The following CDH12 variants were observed in gnomAD, a reference collection of about 807,000 sequenced individuals.
CDH12 encodes cadherin 12.
Under a neutral mutation model 74.1 loss-of-function variants are expected in CDH12, and 41 were observed. The ratio of observed to expected loss-of-function variants is 0.55; its 90% CI spans 0.43 to 0.72. The LOEUF (loss-of-function observed/expected upper bound fraction) is 0.72. Among genes scored for constraint, CDH12 ranks in the 30% least tolerant of loss-of-function variants. The pLI is 0.00. For missense variants in CDH12, 945 were observed against 977.2 expected (o/e 0.97, Z 0.44); for synonymous variants, 399 against 355.0 (o/e 1.12, Z -1.39).
chr5:22,052,990 G>A (rs1740484009), intron 5 of CDH12, among the ~76,000 whole-genome samples: 1 of 151,404 alleles, frequency 6.6e-6, no homozygotes, highest in South Asian at 2.1e-4. Context: ...CTTAAAGAAA[G>A]TTTTATCTCT....
At chr5:22,336,192 G>A (rs1739573409) in intron 3 of CDH12, among the ~76,000 whole-genome samples, 1 of 152,174 alleles carries the variant, frequency 6.6e-6, no homozygotes, top group Non-Finnish European at 1.5e-5. Context: ...AAATTCCTAA[G>A]CAGCAAATCA....
chr5:22,316,260 A>T (rs1738631190), intron 3 of CDH12, among the ~76,000 whole-genome samples: 1 of 152,012 alleles, frequency 6.6e-6, no homozygotes, highest in Admixed American at 6.6e-5. Flanking sequence ...TATGCTATTA[A>T]ATAGCTCATA....
intron 1 of CDH12, among the ~76,000 whole-genome samples, chr5:22,758,743 C>A (rs896924936): frequency 6.6e-6 from 1 of 151,926 alleles, no homozygotes; most frequent in Admixed American, 6.6e-5. Context: ...TTCGTAGTGA[C>A]AAAAGTATGT....
chr5:22,766,631 C>A (rs925231797), intron 1 of CDH12, among the ~76,000 whole-genome samples: 2 of 152,052 alleles, frequency 1.3e-5, no homozygotes, highest in Admixed American at 1.3e-4. Flanking sequence ...GTTGGCCCTT[C>A]CAACTCCTGT....
intron 2 of CDH12, among the ~76,000 whole-genome samples, chr5:22,488,104 C>T (rs540446825): frequency 1.3e-5 from 2 of 152,074 alleles, no homozygotes; most frequent in Non-Finnish European, 2.9e-5. Flanking sequence ...AAGAAACGTA[C>T]AATTGTAGTG....
At chr5:22,746,204 G>C (rs1049080227) in intron 1 of CDH12, among the ~76,000 whole-genome samples, 10 of 152,094 alleles carry the variant, frequency 6.6e-5, no homozygotes, top group African/African-American at 2.4e-4. Context: ...CCTAAAGTAG[G>C]CATTTAATTG....
At position 22,078,660 on chromosome 5, in the gene CDH12, C is replaced by T. The variant is rs1252098457; in HGVS notation, c.17G>A (p.Cys6Tyr). The T allele has an allele frequency of 6.2e-7, 1 of 1,613,674 alleles. No individual in the cohort carries two copies. The highest frequency in any genetic ancestry group is 8.5e-7 in the Non-Finnish European group (1 of 1,179,712). Residue 6 changes from cysteine (C) to tyrosine (Y), a missense_variant, in exon 5 of 15, where the codon TGT becomes TAT. By Grantham distance (194) the Cys-to-Tyr change is radical. Around this residue, in one of 3 missense-constraint regions of CDH12, gnomAD observed 148 missense variants for 162.8 expected, o/e 0.91. Coordinates refer to ENST00000382254, the MANE Select transcript of CDH12 (RefSeq NM_004061.5). MLTRN[C>Y]LSLLLWVLFD... Reference sequence around the variant, plus strand: ...CAGAACCCAGAGAAGCAGGGATAAACAGTTCCTTGTAAGCATTGGCAAAGG... The same window carrying T: ...CAGAACCCAGAGAAGCAGGGATAAATAGTTCCTTGTAAGCATTGGCAAAGG...
intron 11 of CDH12, among the ~76,000 whole-genome samples, chr5:21,769,838 A>G (rs1745225387): frequency 6.6e-6 from 1 of 152,202 alleles, no homozygotes. Flanking sequence ...GATTCCACAT[A>G]AGATTTTATT....
intron 4 of CDH12, among the ~76,000 whole-genome samples, chr5:22,116,145 T>C (rs1215510078): frequency 2.6e-5 from 4 of 152,184 alleles, no homozygotes; most frequent in African/African-American, 9.6e-5. Context: ...CCTAATCACA[T>C]GAGCCCTTAA....
At chr5:22,456,244 A>ATATG (rs1216988478) in intron 2 of CDH12, among the ~76,000 whole-genome samples, 20 of 147,384 alleles carry the variant, frequency 1.4e-4, no homozygotes, top group African/African-American at 2.0e-4. Context: ...GTCTATATAT[A>ATATG]TGTGTGTGTG....
chr5:22,271,343 TTTCAGGCCCCAC>T (rs1736391456), intron 3 of CDH12, among the ~76,000 whole-genome samples: 2 of 152,180 alleles, frequency 1.3e-5, no homozygotes, highest in Non-Finnish European at 1.5e-5. Context: ...TCAGTCACAT[TTTCAGGCCCCAC>T]TTCTAATGTT....
At chr5:21,940,117 C>G (rs1755265044) in intron 6 of CDH12, among the ~76,000 whole-genome samples, 1 of 152,008 alleles carries the variant, frequency 6.6e-6, no homozygotes, top group Non-Finnish European at 1.5e-5. Flanking sequence ...ATCCCAGCTA[C>G]TGGGGAGGCT....
At chr5:21,904,956 G>T (rs529763290) in intron 6 of CDH12, among the ~76,000 whole-genome samples, 23 of 152,238 alleles carry the variant, frequency 1.5e-4, no homozygotes, top group Non-Finnish European at 2.5e-4. Context: ...TAACCATAAA[G>T]TTCAAAATTT....
At chr5:22,557,769 T>C (rs1030145106) in intron 1 of CDH12, among the ~76,000 whole-genome samples, 4 of 152,082 alleles carry the variant, frequency 2.6e-5, no homozygotes, top group Admixed American at 2.0e-4. Context: ...ACTTAGAAGC[T>C]TGTATTATGA....
At chr5:21,774,888 C>A (rs974779055) in intron 11 of CDH12, among the ~76,000 whole-genome samples, 1 of 152,268 alleles carries the variant, frequency 6.6e-6, no homozygotes, top group South Asian at 2.1e-4. Context: ...GTAACTGATT[C>A]CACTCTTTTG....
At chr5:22,125,615 T>C (rs1163383785) in intron 4 of CDH12, among the ~76,000 whole-genome samples, 1 of 152,184 alleles carries the variant, frequency 6.6e-6, no homozygotes, top group African/African-American at 2.4e-5. Context: ...ATGGCTCATC[T>C]TAGACTGCAC....
chr5:21,870,499 A>T (rs1303160439), intron 6 of CDH12, among the ~76,000 whole-genome samples: 2 of 152,166 alleles, frequency 1.3e-5, no homozygotes, highest in Non-Finnish European at 2.9e-5. Flanking sequence ...ATTTGTCCAG[A>T]TGTAGCCATT....
chr5:21,901,633 C>T (rs1472563551), intron 6 of CDH12, among the ~76,000 whole-genome samples: 8 of 152,074 alleles, frequency 5.3e-5, no homozygotes, highest in Non-Finnish European at 8.8e-5. Context: ...AAACAACCAC[C>T]GCCACATCTC....
chr5:22,804,740 A>G (rs1748699589), intron 1 of CDH12, among the ~76,000 whole-genome samples: 1 of 152,230 alleles, frequency 6.6e-6, no homozygotes, highest in South Asian at 2.1e-4. Context: ...GCAACACATG[A>G]TTAATTATTG....
Sources: allele counts gnomAD v4.1 joint callset (sites outside exome capture counted in the v4.1 genomes callset), GRCh38; gene constraint gnomAD v4.1.1; regional missense constraint gnomAD v4.1.1; transcripts MANE v1.5; gene names NCBI Gene and HGNC (gene_info 2026-07-23, HGNC 2026-07-21).